Variants in ENPP3 observed in about 807,000 individuals in gnomAD.
ENPP3 encodes the protein ectonucleotide pyrophosphatase/phosphodiesterase 3, also known as ectonucleotide pyrophosphatase/phosphodiesterase family member 3.
Under a neutral mutation model 117.8 loss-of-function variants are expected in ENPP3, and 104 were observed. That is an observed-to-expected ratio of 0.88 (90% CI 0.75 to 1.04). ENPP3 has a LOEUF of 1.04. ENPP3 is among the 50% of genes least tolerant of loss of function. The pLI, the probability that ENPP3 is intolerant of heterozygous loss-of-function variation, is 0.00. For synonymous variants in ENPP3, 380 were observed against 349.9 expected (o/e 1.09, Z -0.96); for missense variants, 1,026 against 1,051.9 (o/e 0.98, Z 0.34).
chr6:131,651,009 T>G (rs1018481801), intron 3 of ENPP3, among the ~76,000 whole-genome samples: 1 of 152,072 alleles, frequency 6.6e-6, no homozygotes, highest in African/African-American at 2.4e-5. Flanking sequence ...AACCTCCACC[T>G]CCTGGGTTCA....
intron 9 of ENPP3, 91 bp downstream of exon 9, chr6:131,675,280 G>A (rs1778842813): frequency 7.1e-6 from 6 of 849,202 alleles, no homozygotes; most frequent in South Asian, 6.0e-5. Context: ...TATTAATCCA[G>A]TTGTTTAAGC....
chr6:131,658,248 A>G (rs993309003), intron 5 of ENPP3, 75 bp from the exon 6 acceptor site: 1 of 802,262 alleles, frequency 1.2e-6, no homozygotes, highest in Non-Finnish European at 2.2e-6. Context: ...ACACAGGTCT[A>G]AAAAAGGATT....
chr6:131,692,895 T>C (rs1779315192), intron 14 of ENPP3, among the ~76,000 whole-genome samples: 1 of 146,280 alleles, frequency 6.8e-6, no homozygotes, highest in Non-Finnish European at 1.5e-5. Flanking sequence ...TTATACACTA[T>C]ATATGATATA....
chr6:131,666,478 CCAT>C (rs1166985866), intron 6 of ENPP3, among the ~76,000 whole-genome samples: 1 of 152,162 alleles, frequency 6.6e-6, no homozygotes, highest in Non-Finnish European at 1.5e-5. Flanking sequence ...CCGGAAAACC[CCAT>C]CATGCATATA....
intron 15 of ENPP3, chr6:131,708,908 G>A (rs767280516): frequency 4.4e-6 from 7 of 1,607,362 alleles, no homozygotes; most frequent in Non-Finnish European, 5.9e-6. Context: ...GGAAACAATG[G>A]ACCGCTGATT....
Position 131,740,263 on chromosome 6 carries a change from C to T in ENPP3, c.2340C>T (p.Tyr780=), listed in dbSNP as rs1780499319. 1.2e-6 allele frequency: 2 copies of T among 1,612,426 alleles called. No individual in the cohort carries two copies. The highest frequency in any genetic ancestry group is 1.1e-5 in the South Asian group (1 of 90,794). ...ANTDVPIPTH[Y]FVVLTSCKNK... ...CTGATGTTCCCATCCCAACACACTA[C>T]TTTGTGGTGCTGACCAGTTGTAAAA... Residue 780 remains tyrosine, a synonymous_variant, in exon 24 of 25, where the codon TAC becomes TAT. Coordinates refer to ENST00000357639, the MANE Select transcript of ENPP3 (RefSeq NM_005021.5).
In ENPP3 at chr6:131,679,694, C is replaced by T. The variant is rs567784669; in HGVS notation, c.1011+1754C>T. On this transcript the variant is annotated intron_variant, in intron 11 of 24. Transcript: ENST00000357639. ...GGTTAGGAGACTCTCCTCTGAGTGA[C>T]AAAAAGGAAACAGAATTTGCAAGTG... is the stretch of plus-strand genomic sequence containing the variant. 3.3e-5 allele frequency among the ~76,000 whole-genome samples: 5 copies of T among 151,944 alleles called. No homozygotes were observed. In the East Asian group the frequency reaches 9.7e-4, roughly 29 times the overall value.
At chr6:131,661,084 A>G (rs1184932471) in intron 6 of ENPP3, among the ~76,000 whole-genome samples, 1 of 152,184 alleles carries the variant, frequency 6.6e-6, no homozygotes, top group Admixed American at 6.5e-5. Flanking sequence ...AGGCCAAATA[A>G]TATTCCATTG....
At chr6:131,682,142 T>C (rs970641233) in intron 11 of ENPP3, among the ~76,000 whole-genome samples, 2 of 152,112 alleles carry the variant, frequency 1.3e-5, no homozygotes, top group Non-Finnish European at 2.9e-5. Flanking sequence ...CCCACTGTTC[T>C]TTAAAAGTAT....
Position 131,718,718 on chromosome 6 carries a change from A to G in ENPP3, c.1459A>G (p.Asn487Asp), listed in dbSNP as rs766826001. 2.5e-6 allele frequency: 4 copies of G among 1,605,528 alleles called. No homozygotes were observed. In the South Asian group the frequency reaches 4.5e-5, roughly 18 times the overall value. ...NCGGGNHGYNNEFRSMEAIFL... is the reference protein window; with the variant it reads ...NCGGGNHGYNDEFRSMEAIFL... Reference sequence around the variant, plus strand: ...TGGAGGAGGCAACCATGGTTATAACAATGAGTTTAGGAGCATGGAGGTAAC... The same window carrying G: ...TGGAGGAGGCAACCATGGTTATAACGATGAGTTTAGGAGCATGGAGGTAAC... The change falls in exon 16 of 25, where the codon AAT (asparagine) becomes GAT (aspartate). Residue 487 changes from asparagine to aspartate, a missense_variant. Coordinates refer to ENST00000357639, the MANE Select transcript of ENPP3 (RefSeq NM_005021.5).
intron 11 of ENPP3, among the ~76,000 whole-genome samples, chr6:131,679,868 G>A (rs73552658): frequency 0.021 from 3,123 of 152,266 alleles, 100 homozygotes; most frequent in African/African-American, 0.073. Flanking sequence ...GTGTTCTGCT[G>A]TGCCAGAGCT....
intron 14 of ENPP3, among the ~76,000 whole-genome samples, chr6:131,691,729 A>G (rs1779285129): frequency 6.6e-6 from 1 of 152,194 alleles, no homozygotes; most frequent in Non-Finnish European, 1.5e-5. Context: ...CTCTGGATTT[A>G]CTCTGGCTAC....
chr6:131,732,012 G>A (rs17060618), intron 20 of ENPP3, among the ~76,000 whole-genome samples: 1 of 152,094 alleles, frequency 6.6e-6, no homozygotes, highest in African/African-American at 2.4e-5. Flanking sequence ...ACCTCAGCAT[G>A]GTGCTCTCCT....
chr6:131,696,271 TA>T (rs1779402799), intron 15 of ENPP3, among the ~76,000 whole-genome samples: 1 of 152,220 alleles, frequency 6.6e-6, no homozygotes, highest in Non-Finnish European at 1.5e-5. Context: ...GGCACCTTTT[TA>T]AGAACTAGAG....
At chr6:131,702,401 C>T (rs1339787810) in intron 15 of ENPP3, among the ~76,000 whole-genome samples, 1 of 151,946 alleles carries the variant, frequency 6.6e-6, no homozygotes, top group African/African-American at 2.4e-5. Context: ...AGTGTAAAGA[C>T]TTATTTTTTA....
chr6:131,694,835 T>G (rs9493056), intron 15 of ENPP3, among the ~76,000 whole-genome samples: 49 of 121,648 alleles, frequency 4.0e-4, no homozygotes, highest in African/African-American at 2.3e-3. Context: ...TAGTATTTGA[T>G]TCCATCAAAA....
intron 7 of ENPP3, 42 bp downstream of exon 7, chr6:131,671,369 A>G (rs773803511): frequency 8.7e-7 from 1 of 1,150,686 alleles, no homozygotes; most frequent in South Asian, 1.3e-5. Context: ...AAAGACCAGA[A>G]CTGACCACAT....
chr6:131,671,137 C>A, intron 6 of ENPP3, 111 bp from the exon 7 acceptor site: 1 of 715,034 alleles, frequency 1.4e-6, no homozygotes. Flanking sequence ...CTTTAATCCA[C>A]TTTTTAGTTT....
intron 15 of ENPP3, among the ~76,000 whole-genome samples, chr6:131,697,465 G>A (rs756574395): frequency 2.6e-5 from 4 of 151,540 alleles, no homozygotes; most frequent in Admixed American, 6.6e-5. Flanking sequence ...TGATTCAAGC[G>A]CATGACGTTT....
Sources: gnomAD v4.1 joint callset for allele counts (sites outside exome capture counted in the v4.1 genomes callset) on GRCh38, gnomAD v4.1.1 for gene constraint, MANE v1.5 for transcripts, NCBI Gene and HGNC (gene_info 2026-07-23, HGNC 2026-07-21) for gene names.